The following NRG3 variants were observed in gnomAD, a reference collection of about 807,000 sequenced individuals.
The protein encoded by NRG3 is neuregulin 3, also known as pro-neuregulin-3, membrane-bound isoform.
In NRG3, 31 loss-of-function variants were observed where a neutral mutation model predicts 66.9. That is an observed-to-expected ratio of 0.46 (90% CI 0.35 to 0.63). The LOEUF is 0.63. Among genes scored for constraint, NRG3 ranks in the 20% least tolerant of loss-of-function variants. The probability of loss-of-function intolerance (pLI) is 0.00; values close to 1 mark genes in which losing one functional copy is unlikely to be tolerated. For missense variants in NRG3, 910 were observed against 878.9 expected (o/e 1.04, Z -0.45); for synonymous variants, 393 against 359.4 (o/e 1.09, Z -1.06).
At chr10:82,196,448 T>A (rs192156028) in intron 1 of NRG3, among the ~76,000 whole-genome samples, 112 of 152,324 alleles carry the variant, frequency 7.4e-4, no homozygotes, top group African/African-American at 2.6e-3. Flanking sequence ...GCCTGAGAAA[T>A]GCAAGAGCTG....
rs534214025 is a variant in NRG3, at chr10:82,897,943, A to ATATGTTCAC, written c.1054+32508_1054+32516dup. On this transcript the variant is annotated intron_variant, in intron 4 of 8. Transcript: ENST00000372141. ...ATATATTGAGTAGGATACTATTAAT[A>ATATGTTCAC]TATGTTCACTTAGCACTTACTATAA... 3.3e-3 allele frequency among the ~76,000 whole-genome samples: 500 copies of ATATGTTCAC among 152,352 alleles called. 3 individuals are homozygous for ATATGTTCAC. Among genetic ancestry groups the ATATGTTCAC allele is most frequent in the African/African-American group, 7.6e-3 (318 of 41,586 alleles).
chr10:82,451,288 T>A (rs1049194841), intron 2 of NRG3, among the ~76,000 whole-genome samples: 1 of 152,144 alleles, frequency 6.6e-6, no homozygotes, highest in Admixed American at 6.6e-5. Flanking sequence ...GCAGTCTTCC[T>A]TCAGAGTCCA....
At chr10:82,164,638 CA>C (rs1482764135) in intron 1 of NRG3, among the ~76,000 whole-genome samples, 2 of 152,096 alleles carry the variant, frequency 1.3e-5, no homozygotes, top group African/African-American at 4.8e-5. Flanking sequence ...GTGCAAGTAG[CA>C]GGGGGGAGAT....
chr10:81,923,990 G>T (rs1206456304), intron 1 of NRG3, among the ~76,000 whole-genome samples: 1 of 152,194 alleles, frequency 6.6e-6, no homozygotes, highest in Non-Finnish European at 1.5e-5. Context: ...ATAGGTGCTC[G>T]TTAAATGTTT....
chr10:82,245,884 G>A (rs1670183306), intron 1 of NRG3, among the ~76,000 whole-genome samples: 1 of 151,340 alleles, frequency 6.6e-6, no homozygotes, highest in South Asian at 2.1e-4. Flanking sequence ...CTGCTCTTGG[G>A]TACGTTAGAA....
chr10:82,789,297 A>T (rs983933241), intron 3 of NRG3, among the ~76,000 whole-genome samples: 81 of 152,200 alleles, frequency 5.3e-4, no homozygotes, highest in African/African-American at 1.9e-3. Context: ...TCTTCTATGG[A>T]GCAATAGCTA....
At chr10:82,711,169 T>C (rs1381482371) in intron 2 of NRG3, among the ~76,000 whole-genome samples, 2 of 152,128 alleles carry the variant, frequency 1.3e-5, no homozygotes, top group Non-Finnish European at 2.9e-5. Flanking sequence ...GCCTCAAACT[T>C]CTGGGCTCAA....
chr10:81,935,214 C>T (rs980325862), intron 1 of NRG3, among the ~76,000 whole-genome samples: 2 of 152,050 alleles, frequency 1.3e-5, no homozygotes, highest in African/African-American at 4.8e-5. Context: ...GAGCTTTAGC[C>T]TATTTGGCAC....
chr10:82,491,305 T>TAC (rs1564984893), intron 2 of NRG3, among the ~76,000 whole-genome samples: 118 of 134,188 alleles, frequency 8.8e-4, no homozygotes, highest in Non-Finnish European at 1.4e-3. Context: ...TATATATATA[T>TAC]ATATATATAT....
At chr10:82,907,282 T>C (rs531932084) in intron 4 of NRG3, among the ~76,000 whole-genome samples, 91 of 152,314 alleles carry the variant, frequency 6.0e-4, no homozygotes, top group African/African-American at 2.2e-3. Context: ...TATTTGACAT[T>C]ATACAGAAAA....
intron 3 of NRG3, among the ~76,000 whole-genome samples, chr10:82,850,373 G>T (rs1300677161): frequency 1.3e-5 from 2 of 152,106 alleles, no homozygotes; most frequent in African/African-American, 2.4e-5. Context: ...TCACATTTTG[G>T]TCCCTGCAAT....
intron 2 of NRG3, among the ~76,000 whole-genome samples, chr10:82,520,326 A>G (rs531503278): frequency 1.3e-5 from 2 of 151,884 alleles, no homozygotes; most frequent in South Asian, 2.1e-4. Context: ...ATGGATCCAA[A>G]TCTTCTAGTC....
At chr10:81,976,144 T>C (rs548451012) in intron 1 of NRG3, among the ~76,000 whole-genome samples, 56 of 152,318 alleles carry the variant, frequency 3.7e-4, no homozygotes, top group African/African-American at 7.2e-4. Context: ...ACATTAGTAA[T>C]AGTAAACTAA....
At chr10:82,879,917 G>A (rs1007191175) in intron 4 of NRG3, among the ~76,000 whole-genome samples, 2 of 138,858 alleles carry the variant, frequency 1.4e-5, no homozygotes, top group East Asian at 2.2e-4. Flanking sequence ...GAGGTCGCCT[G>A]TCTTCATGTT....
chr10:82,628,680 G>A (rs2133698538), intron 2 of NRG3, among the ~76,000 whole-genome samples: 1 of 152,212 alleles, frequency 6.6e-6, no homozygotes, highest in South Asian at 2.1e-4. Context: ...GGCACACTCT[G>A]GGAAGCCCTT....
intron 1 of NRG3, among the ~76,000 whole-genome samples, chr10:82,034,438 A>G (rs2062705782): frequency 6.6e-6 from 1 of 152,128 alleles, no homozygotes. Flanking sequence ...TGAGTTTTAA[A>G]TAAGTAGATT....
chr10:82,811,553 T>C (rs1158029549), intron 3 of NRG3, among the ~76,000 whole-genome samples: 2 of 152,168 alleles, frequency 1.3e-5, no homozygotes, highest in East Asian at 3.9e-4. Flanking sequence ...AGGTGAAAAG[T>C]AAAGGTGACA....
chr10:82,765,834 G>A (rs2059494003), intron 3 of NRG3, among the ~76,000 whole-genome samples: 1 of 152,094 alleles, frequency 6.6e-6, no homozygotes, highest in South Asian at 2.1e-4. Context: ...TCATCTATAT[G>A]AACATGATTT....
At chr10:82,964,655 G>T (rs943992113) in intron 6 of NRG3, among the ~76,000 whole-genome samples, 2 of 152,006 alleles carry the variant, frequency 1.3e-5, no homozygotes, top group African/African-American at 4.8e-5. Flanking sequence ...CCCATACTCG[G>T]GCTCATAAGT....
Sources: allele counts gnomAD v4.1 joint callset (sites outside exome capture counted in the v4.1 genomes callset), GRCh38; gene constraint gnomAD v4.1.1; transcripts MANE v1.5; gene names NCBI Gene and HGNC (gene_info 2026-07-23, HGNC 2026-07-21).